ACOT13: variants seen among roughly 807,000 people sequenced by gnomAD.
ACOT13 encodes the protein acyl-coenzyme A thioesterase 13.
Under a neutral mutation model 11.8 loss-of-function variants are expected in ACOT13, and 10 were observed. That is an observed-to-expected ratio of 0.85 (90% CI 0.53 to 1.44). The LOEUF (loss-of-function observed/expected upper bound fraction) is 1.44, where lower values mean the gene tolerates loss of function less well. Ranked by LOEUF, ACOT13 falls within the 40% of genes most tolerant of loss-of-function variation. The pLI, the probability that ACOT13 is intolerant of heterozygous loss-of-function variation, is 0.00. For missense variants in ACOT13, 172 were observed against 174.1 expected (o/e 0.99, Z 0.07); for synonymous variants, 53 against 61.0 (o/e 0.87, Z 0.61).
At chr6:24,697,104 CAT>C (rs1415430772) in intron 1 of ACOT13, among the ~76,000 whole-genome samples, 3 of 152,138 alleles carry the variant, frequency 2.0e-5, no homozygotes, top group Non-Finnish European at 4.4e-5. Flanking sequence ...TGCATTGTTG[CAT>C]ATGTTTATCT....
At chr6:24,683,481 A>G (rs567170886) in intron 1 of ACOT13, among the ~76,000 whole-genome samples, 38 of 152,106 alleles carry the variant, frequency 2.5e-4, no homozygotes, top group Non-Finnish European at 5.1e-4. Flanking sequence ...GTTTGCAGTG[A>G]GCCGAGATTG....
intron 1 of ACOT13, among the ~76,000 whole-genome samples, chr6:24,685,087 A>G (rs1024277694): frequency 6.6e-6 from 1 of 152,150 alleles, no homozygotes; most frequent in East Asian, 1.9e-4. Context: ...TGTGAATTTT[A>G]TACTTACAGT....
chr6:24,669,244 C>G (rs2223589), intron 1 of ACOT13, among the ~76,000 whole-genome samples: 116,745 of 152,184 alleles, frequency 0.77, 45,530 homozygotes, highest in African/African-American at 0.91. Flanking sequence ...GTTTTAGGGA[C>G]ATATAAGACA....
At chr6:24,673,120 T>C (rs556720081) in intron 1 of ACOT13, among the ~76,000 whole-genome samples, 1 of 152,192 alleles carries the variant, frequency 6.6e-6, no homozygotes. Context: ...AAAAAATCTT[T>C]TTTTAATCTC....
chr6:24,688,972 T>C (rs1778680032), intron 1 of ACOT13, among the ~76,000 whole-genome samples: 1 of 152,108 alleles, frequency 6.6e-6, no homozygotes, highest in African/African-American at 2.4e-5. Context: ...GCAATAAACA[T>C]TAAAGGATGC....
At chr6:24,688,012 C>A (rs1778660990) in intron 1 of ACOT13, among the ~76,000 whole-genome samples, 1 of 151,746 alleles carries the variant, frequency 6.6e-6, no homozygotes, top group Admixed American at 6.6e-5. Flanking sequence ...CGCACCCAGC[C>A]AGAAGAATAG....
intron 1 of ACOT13, among the ~76,000 whole-genome samples, chr6:24,668,744 T>C (rs1778307552): frequency 6.6e-6 from 1 of 152,206 alleles, no homozygotes; most frequent in African/African-American, 2.4e-5. Flanking sequence ...TGGCGTGCAA[T>C]CAGATGGTGA....
chr6:24,693,460 C>T (rs1157985282), intron 1 of ACOT13, among the ~76,000 whole-genome samples: 2 of 152,144 alleles, frequency 1.3e-5, no homozygotes, highest in African/African-American at 4.8e-5. Flanking sequence ...TCCCACTGCT[C>T]AGCAGAATGC....
chr6:24,701,425 T>A (rs1461524009), intron 2 of ACOT13, 34 bp from the exon 3 acceptor site: 1 of 1,571,096 alleles, frequency 6.4e-7, no homozygotes, highest in Non-Finnish European at 8.7e-7. Context: ...TTTGAAAAAT[T>A]ATCTGCTGTT....
intron 1 of ACOT13, among the ~76,000 whole-genome samples, chr6:24,682,279 C>T (rs936180489): frequency 6.6e-6 from 1 of 152,328 alleles, no homozygotes; most frequent in Non-Finnish European, 1.5e-5. Context: ...GATGTCCCTT[C>T]GTGGTCACCA....
intron 1 of ACOT13, among the ~76,000 whole-genome samples, chr6:24,668,072 C>T (rs1280589999): frequency 6.6e-6 from 1 of 152,008 alleles, no homozygotes; most frequent in Non-Finnish European, 1.5e-5. Context: ...CCATGCCCAG[C>T]TAATATTGTA....
At chr6:24,679,581 G>C (rs1006165099) in intron 1 of ACOT13, among the ~76,000 whole-genome samples, 3 of 152,088 alleles carry the variant, frequency 2.0e-5, no homozygotes, top group African/African-American at 7.2e-5. Flanking sequence ...AAATGTCTGC[G>C]GCACCAATTT....
chr6:24,682,902 C>T (rs1778576331), intron 1 of ACOT13, among the ~76,000 whole-genome samples: 1 of 152,236 alleles, frequency 6.6e-6, no homozygotes, highest in African/African-American at 2.4e-5. Flanking sequence ...TTGTCCCTCC[C>T]ACTGTGCTCT....
At position 24,669,315 on chromosome 6, in the gene ACOT13, G is replaced by A. The variant is rs150930743; in HGVS notation, c.81+1971G>A. 7.0e-3 allele frequency among the ~76,000 whole-genome samples: 1,060 copies of A among 152,260 alleles called. 11 individuals carry two copies. The highest frequency in any genetic ancestry group is 0.027 in the Middle Eastern group (8 of 294). ...TCGGAAAGGCGGGACAACTTGAAGC[G>A]GGAAGGGGGCTTCCAGGTCACGGGT... On this transcript the variant is annotated intron_variant, in intron 1 of 2. Coordinates refer to ENST00000230048, the MANE Select transcript of ACOT13 (RefSeq NM_018473.4).
At chr6:24,688,210 CA>C (rs911773727) in intron 1 of ACOT13, among the ~76,000 whole-genome samples, 3 of 151,066 alleles carry the variant, frequency 2.0e-5, no homozygotes, top group South Asian at 2.1e-4. Context: ...GATCTATGCA[CA>C]AAAAAATTTG....
intron 1 of ACOT13, among the ~76,000 whole-genome samples, chr6:24,677,663 T>C (rs1211524993): frequency 6.6e-6 from 1 of 152,262 alleles, no homozygotes; most frequent in African/African-American, 2.4e-5. Flanking sequence ...GGGCCTTCTT[T>C]AGGGCCTGAA....
intron 1 of ACOT13, chr6:24,687,835 C>A: frequency 1.1e-6 from 1 of 872,468 alleles, no homozygotes. Context: ...CTTCAGCCTC[C>A]AGAGCAGCTG....
rs1270665793 is a variant in ACOT13 at position 24,703,350 on chromosome 6, G to C, written c.*1735G>C. 1 of 152,256 alleles carries C rather than the reference G, an allele frequency of 6.6e-6. No homozygotes were observed. The highest frequency in any genetic ancestry group is 1.5e-5 in the Non-Finnish European group (1 of 68,052). 9.4% of individuals were successfully genotyped at this position (152,256 alleles called of 1,614,324 possible). A position where few individuals can be genotyped will look rare whatever the true frequency, so the allele number is the denominator to read the frequency against. ...TGAAAGGGCAGAAGACTCCACAGTAGCAATAGCAGCAGTGAGCATACAGGA... is the reference window on the plus strand; with the variant it reads ...TGAAAGGGCAGAAGACTCCACAGTACCAATAGCAGCAGTGAGCATACAGGA... On this transcript the variant is annotated 3_prime_UTR_variant, in exon 3 of 3. Transcript: ENST00000230048.
intron 1 of ACOT13, among the ~76,000 whole-genome samples, chr6:24,695,715 G>A (rs1045972743): frequency 3.9e-5 from 6 of 152,098 alleles, no homozygotes; most frequent in African/African-American, 7.2e-5. Context: ...ATTCCTGCTC[G>A]GTGTGTATTA....
Sources: allele counts gnomAD v4.1 joint callset (sites outside exome capture counted in the v4.1 genomes callset), GRCh38; gene constraint gnomAD v4.1.1; transcripts MANE v1.5; gene names NCBI Gene and HGNC (gene_info 2026-07-23, HGNC 2026-07-21).